VWC2L: variants seen among roughly 807,000 people sequenced by gnomAD.
The protein encoded by VWC2L is von Willebrand factor C domain containing 2 like.
Under a neutral mutation model 21.6 loss-of-function variants are expected in VWC2L, and 10 were observed. That is an observed-to-expected ratio of 0.46 (90% confidence interval 0.29 to 0.78). The LOEUF (loss-of-function observed/expected upper bound fraction) is 0.78, where lower values mean the gene tolerates loss of function less well. VWC2L is among the 30% of genes least tolerant of loss of function. The probability of loss-of-function intolerance (pLI) is 0.10; values close to 1 mark genes in which losing one functional copy is unlikely to be tolerated. For missense variants in VWC2L, 209 were observed against 277.1 expected (o/e 0.75, Z 1.74); for synonymous variants, 96 against 94.3 (o/e 1.02, Z -0.10).
chr2:214,483,647 C>T (rs1688636637), intron 3 of VWC2L, among the ~76,000 whole-genome samples: 1 of 152,158 alleles, frequency 6.6e-6, no homozygotes, highest in Non-Finnish European at 1.5e-5. Context: ...TTTAAGGTGA[C>T]TTACAGCTAA....
chr2:214,524,449 T>C (rs746293268), intron 3 of VWC2L, among the ~76,000 whole-genome samples: 1 of 152,210 alleles, frequency 6.6e-6, no homozygotes, highest in African/African-American at 2.4e-5. Flanking sequence ...TTAGATCTGA[T>C]CTGGAGTCTA....
chr2:214,460,214 G>A (rs571768333), intron 3 of VWC2L, among the ~76,000 whole-genome samples: 2 of 151,996 alleles, frequency 1.3e-5, no homozygotes, highest in South Asian at 4.2e-4. Context: ...TTTGACTTTT[G>A]ACAGTATAAT....
At chr2:214,470,758 T>G (rs896984059) in intron 3 of VWC2L, among the ~76,000 whole-genome samples, 2 of 151,130 alleles carry the variant, frequency 1.3e-5, no homozygotes, top group Admixed American at 1.3e-4. Context: ...AAAAAAAATA[T>G]TAAAATTAGC....
chr2:214,520,089 A>ACACACACACT (rs1412217535), intron 3 of VWC2L, among the ~76,000 whole-genome samples: 2 of 150,992 alleles, frequency 1.3e-5, no homozygotes, highest in Admixed American at 6.6e-5. Flanking sequence ...ACACACACAC[A>ACACACACACT]CTTATGTAGA....
At chr2:214,499,900 A>G (rs1331637339) in intron 3 of VWC2L, among the ~76,000 whole-genome samples, 4 of 152,354 alleles carry the variant, frequency 2.6e-5, no homozygotes, top group African/African-American at 9.6e-5. Flanking sequence ...ATCATAAAAC[A>G]AAAAATGTCA....
At chr2:214,476,222 A>G (rs1477117619) in intron 3 of VWC2L, among the ~76,000 whole-genome samples, 1 of 152,188 alleles carries the variant, frequency 6.6e-6, no homozygotes, top group Non-Finnish European at 1.5e-5. Context: ...GCCAATATGC[A>G]AAAGGAGCAC....
At chr2:214,508,689 A>G (rs1002442556) in intron 3 of VWC2L, among the ~76,000 whole-genome samples, 3 of 152,166 alleles carry the variant, frequency 2.0e-5, no homozygotes, top group African/African-American at 7.2e-5. Context: ...ATAGATTTGT[A>G]AAAGTCATAT....
At chr2:214,570,202 C>G (rs1690129860) in intron 3 of VWC2L, among the ~76,000 whole-genome samples, 1 of 152,166 alleles carries the variant, frequency 6.6e-6, no homozygotes, top group South Asian at 2.1e-4. Flanking sequence ...GCCCTGGGCT[C>G]TCCACAGCCA....
intron 3 of VWC2L, among the ~76,000 whole-genome samples, chr2:214,519,723 G>A (rs1689202082): frequency 6.6e-6 from 1 of 152,080 alleles, no homozygotes; most frequent in Non-Finnish European, 1.5e-5. Flanking sequence ...GGTCTATGGT[G>A]ATGGTCCCAT....
rs536300908 is a variant in VWC2L, at chr2:214,432,115, G to A, written c.391-4514G>A. 6.6e-5 allele frequency among the ~76,000 whole-genome samples: 10 copies of A among 152,182 alleles called. No individual in the cohort carries two copies. In the East Asian group the frequency reaches 9.6e-4, roughly 15 times the overall value. Reference sequence around the variant, plus strand: ...CTCATTGACTCAAAATCATTTTCACGCATAATGAACACAGATGAAGCCGCC... The same window carrying A: ...CTCATTGACTCAAAATCATTTTCACACATAATGAACACAGATGAAGCCGCC... On this transcript the variant is annotated intron_variant, in intron 2 of 3. Transcript: ENST00000312504.
chr2:214,478,053 T>C (rs1487722266), intron 3 of VWC2L, among the ~76,000 whole-genome samples: 1 of 152,240 alleles, frequency 6.6e-6, no homozygotes, highest in East Asian at 1.9e-4. Context: ...CTCAACTCAT[T>C]AATTAGAATG....
intron 3 of VWC2L, among the ~76,000 whole-genome samples, chr2:214,564,921 G>A (rs1008848669): frequency 6.6e-5 from 10 of 152,126 alleles, no homozygotes; most frequent in African/African-American, 2.4e-4. Flanking sequence ...TACCAACATT[G>A]GTATTCATGC....
intron 3 of VWC2L, among the ~76,000 whole-genome samples, chr2:214,458,404 T>C (rs1299014096): frequency 6.6e-6 from 1 of 152,116 alleles, no homozygotes; most frequent in Non-Finnish European, 1.5e-5. Context: ...ATATTCTATG[T>C]TGATGTTTTT....
At chr2:214,543,849 G>C (rs1014550689) in intron 3 of VWC2L, among the ~76,000 whole-genome samples, 2 of 152,110 alleles carry the variant, frequency 1.3e-5, no homozygotes, top group Non-Finnish European at 2.9e-5. Context: ...CTGCCAAATG[G>C]CTTCACTTTC....
At chr2:214,435,507 G>A (rs1473367293) in intron 2 of VWC2L, among the ~76,000 whole-genome samples, 1 of 152,152 alleles carries the variant, frequency 6.6e-6, no homozygotes, top group African/African-American at 2.4e-5. Context: ...ACTATAGACT[G>A]TCTGAGTTGA....
chr2:214,500,227 T>C (rs1688872652), intron 3 of VWC2L, among the ~76,000 whole-genome samples: 3 of 152,220 alleles, frequency 2.0e-5, no homozygotes, highest in Admixed American at 2.0e-4. Context: ...TACATACTAT[T>C]ATTTTTCTGC....
chr2:214,527,697 C>T (rs1046441110), intron 3 of VWC2L, among the ~76,000 whole-genome samples: 1 of 152,188 alleles, frequency 6.6e-6, no homozygotes, highest in Admixed American at 6.5e-5. Flanking sequence ...CAAGCCTGCC[C>T]TGACTCCTCT....
chr2:214,485,449 G>A (rs1404060030), intron 3 of VWC2L, among the ~76,000 whole-genome samples: 1 of 152,042 alleles, frequency 6.6e-6, no homozygotes, highest in African/African-American at 2.4e-5. Context: ...TGTGACTGTA[G>A]GTAAATTACT....
chr2:214,467,317 G>A (rs1161409576), intron 3 of VWC2L, among the ~76,000 whole-genome samples: 8 of 152,152 alleles, frequency 5.3e-5, no homozygotes, highest in African/African-American at 1.9e-4. Flanking sequence ...TACTTGAGGG[G>A]AACCATCTCC....
Sources: allele counts gnomAD v4.1 joint callset (sites outside exome capture counted in the v4.1 genomes callset), GRCh38; gene constraint gnomAD v4.1.1; transcripts MANE v1.5; gene names NCBI Gene and HGNC (gene_info 2026-07-23, HGNC 2026-07-21).